The following RAB39A variants were observed in gnomAD, a reference collection of about 807,000 sequenced individuals.
RAB39A encodes RAB39A, member RAS oncogene family, also known as ras-related protein Rab-39A.
Under a neutral mutation model 20.9 loss-of-function variants are expected in RAB39A, and 17 were observed. The ratio of observed to expected loss-of-function variants is 0.81; its 90% CI spans 0.56 to 1.22. RAB39A has a LOEUF of 1.22. Among genes scored for constraint, RAB39A ranks in the 50% most tolerant of loss-of-function variants. The probability of loss-of-function intolerance (pLI) is 0.00; values close to 1 mark genes in which losing one functional copy is unlikely to be tolerated. For missense variants in RAB39A, 234 were observed against 270.5 expected, an observed-to-expected ratio of 0.87 and a Z score of 0.95; for synonymous variants, 99 against 103.4, an observed-to-expected ratio of 0.96 and a Z score of 0.26.
chr11:107,948,518 A>G (rs1861341331), intron 1 of RAB39A, among the ~76,000 whole-genome samples: 1 of 150,522 alleles, frequency 6.6e-6, no homozygotes. Flanking sequence ...GCCGAGAGGG[A>G]TTCTCAGTCT....
Position 107,962,295 on chromosome 11 carries a change from G to A in RAB39A, c.577G>A (p.Val193Ile). 1.9e-6 allele frequency: 3 copies of A among 1,613,844 alleles called. No individual in the cohort carries two copies. Among genetic ancestry groups the A allele is most frequent in the Non-Finnish European group, 2.5e-6 (3 of 1,179,930 alleles). ...EICIQDGWEG[V>I]KSGFVPNTVH... ...TTGTATTCAGGATGGCTGGGAAGGG[G>A]TTAAAAGTGGTTTTGTTCCAAATAC... The change falls in exon 2 of 2, where the codon GTT (valine) becomes ATT (isoleucine). Residue 193 changes from valine (V) to isoleucine (I), a missense_variant. Val to Ile is a conservative substitution (Grantham distance 29, BLOSUM62 3). Transcript: ENST00000320578.
chr11:107,930,041 C>T (rs1233210105), intron 1 of RAB39A, among the ~76,000 whole-genome samples: 1 of 152,160 alleles, frequency 6.6e-6, no homozygotes, highest in Non-Finnish European at 1.5e-5. Flanking sequence ...AATGGTCCAA[C>T]ATTCAAAGTT....
At chr11:107,946,774 G>C (rs371006924) in intron 1 of RAB39A, among the ~76,000 whole-genome samples, 4 of 150,564 alleles carry the variant, frequency 2.7e-5, no homozygotes, top group South Asian at 4.2e-4. Flanking sequence ...GCGCCCAGCC[G>C]ATACTATTTT....
At position 107,928,681 on chromosome 11, in the gene RAB39A, C is replaced by A; in HGVS notation, c.113C>A (p.Ser38Tyr). Residue 38 changes from serine to tyrosine, a missense_variant, in exon 1 of 2, where the codon TCC becomes TAC. Coordinates refer to ENST00000320578, the MANE Select transcript of RAB39A (RefSeq NM_017516.3). The surrounding 1 kb of genome is among the most constrained non-coding windows in gnomAD (Gnocchi z 4.9). ...CAGGGCCGCTTCCCCGGGCTGCGCT[C>A]CCCCGCCTGCGACCCCACCGTCGGC... ...FTQGRFPGLR[S>Y]PACDPTVGVD... 6.2e-7 allele frequency: 1 copy of A among 1,612,160 alleles called. No homozygotes were observed. Among genetic ancestry groups the A allele is most frequent in the Non-Finnish European group, 8.5e-7 (1 of 1,179,048 alleles).
intron 1 of RAB39A, 63 bp from the exon 2 acceptor site, chr11:107,961,883 G>T: frequency 2.4e-6 from 3 of 1,263,206 alleles, no homozygotes; most frequent in South Asian, 1.4e-5. Flanking sequence ...GTGCTAGATT[G>T]TTGGAAGGAG....
At chr11:107,954,067 C>A (rs1861409129) in intron 1 of RAB39A, among the ~76,000 whole-genome samples, 2 of 152,154 alleles carry the variant, frequency 1.3e-5, no homozygotes, top group Admixed American at 1.3e-4. Context: ...GTGGTACTAG[C>A]ATGGCCTAAA....
intron 1 of RAB39A, among the ~76,000 whole-genome samples, chr11:107,933,377 CT>C (rs71047649): frequency 1.1e-3 from 83 of 73,062 alleles, no homozygotes; most frequent in Middle Eastern, 0.018. Context: ...TTTATTCTTT[CT>C]TTTTTTTTTT....
At chr11:107,950,671 T>G (rs1861368349) in intron 1 of RAB39A, among the ~76,000 whole-genome samples, 1 of 147,342 alleles carries the variant, frequency 6.8e-6, no homozygotes, top group African/African-American at 2.5e-5. Flanking sequence ...GATGCTGAGG[T>G]GGGAGGATTA....
intron 1 of RAB39A, among the ~76,000 whole-genome samples, chr11:107,941,129 C>A (rs1047173162): frequency 1.3e-4 from 20 of 152,126 alleles, no homozygotes; most frequent in African/African-American, 4.8e-4. Flanking sequence ...GTAGCATTTT[C>A]AACATGATAT....
At chr11:107,942,732 T>C (rs1175417105) in intron 1 of RAB39A, among the ~76,000 whole-genome samples, 1 of 152,214 alleles carries the variant, frequency 6.6e-6, no homozygotes, top group Non-Finnish European at 1.5e-5. Flanking sequence ...TTCAGTGCTC[T>C]TCCTGCTATG....
intron 1 of RAB39A, among the ~76,000 whole-genome samples, chr11:107,935,053 T>C (rs916658088): frequency 3.1e-4 from 44 of 141,322 alleles, no homozygotes; most frequent in Non-Finnish European, 5.2e-4. Context: ...TCCATGTTTT[T>C]TCCCCTAGCT....
At chr11:107,953,488 A>T (rs1335061991) in intron 1 of RAB39A, among the ~76,000 whole-genome samples, 1 of 152,150 alleles carries the variant, frequency 6.6e-6, no homozygotes, top group Non-Finnish European at 1.5e-5. Context: ...TCCCCATGAT[A>T]CTGTTGCCCC....
chr11:107,939,575 A>C (rs1008634153), intron 1 of RAB39A, among the ~76,000 whole-genome samples: 5 of 150,620 alleles, frequency 3.3e-5, no homozygotes, highest in African/African-American at 1.2e-4. Flanking sequence ...ATGCCACTGC[A>C]CTCCAGCCTG....
chr11:107,962,124 C>G lies in RAB39A; in HGVS notation c.406C>G (p.Gln136Glu), dbSNP rs201799500. ...TAAATGTGATTTAGCTTCACAACGT[C>G]AAGTTACAAGGGAAGAAGCTGAAAA... ...GHKCDLASQR[Q>E]VTREEAEKLS... is the part of the protein sequence containing the mutation. The change falls in exon 2 of 2, where the codon CAA becomes GAA. Residue 136 changes from glutamine to glutamate, a missense_variant. Coordinates refer to ENST00000320578, the MANE Select transcript of RAB39A (RefSeq NM_017516.3). The G allele has an allele frequency of 3.7e-6, 6 of 1,614,106 alleles. No homozygotes were observed. In the East Asian group the frequency reaches 8.9e-5, roughly 24 times the overall value.
intron 1 of RAB39A, among the ~76,000 whole-genome samples, chr11:107,931,102 G>A (rs931124520): frequency 4.5e-4 from 67 of 150,438 alleles, no homozygotes; most frequent in African/African-American, 1.5e-3. Flanking sequence ...TCAGCCTCCC[G>A]AGTAGCTGGG....
At chr11:107,932,709 A>G (rs773983919) in intron 1 of RAB39A, among the ~76,000 whole-genome samples, 2 of 152,008 alleles carry the variant, frequency 1.3e-5, no homozygotes, top group Non-Finnish European at 2.9e-5. Context: ...TTTTTTATAA[A>G]TTTTGGTTTT....
At chr11:107,946,787 T>A (rs560205655) in intron 1 of RAB39A, among the ~76,000 whole-genome samples, 63 of 151,240 alleles carry the variant, frequency 4.2e-4, no homozygotes, top group Admixed American at 5.3e-4. Flanking sequence ...ACTATTTTTT[T>A]TAAAAAAAAG....
intron 1 of RAB39A, among the ~76,000 whole-genome samples, chr11:107,953,404 G>T (rs11212458): frequency 1.2e-3 from 176 of 152,304 alleles, no homozygotes; most frequent in African/African-American, 4.1e-3. Context: ...TGATGGGAAA[G>T]TGGAGGCCAG....
intron 1 of RAB39A, among the ~76,000 whole-genome samples, chr11:107,946,452 ATATATATATTTTTTTTTT>A (rs1861316816): frequency 4.2e-5 from 3 of 71,778 alleles, no homozygotes; most frequent in African/African-American, 1.1e-4. Flanking sequence ...ATATATATAT[ATATATATATTTTTTTTTT>A]TTTTTTTTTT....
Sources: allele counts gnomAD v4.1 joint callset (sites outside exome capture counted in the v4.1 genomes callset), GRCh38; gene constraint gnomAD v4.1.1; non-coding constraint Gnocchi (gnomAD v3.1); transcripts MANE v1.5; gene names NCBI Gene and HGNC (gene_info 2026-07-23, HGNC 2026-07-21).